Variants in CACNA1A observed in about 807,000 individuals in gnomAD.
CACNA1A encodes calcium voltage-gated channel subunit alpha1 A, also known as voltage-dependent P/Q-type calcium channel subunit alpha-1A.
CACNA1A carries 57 observed loss-of-function variants against 262.4 expected under a neutral mutation model. The ratio of observed to expected loss-of-function variants is 0.22; its 90% CI spans 0.18 to 0.27. The LOEUF is 0.27. Among genes scored for constraint, CACNA1A ranks in the 10% least tolerant of loss-of-function variants. The probability of loss-of-function intolerance (pLI) is 1.00; values close to 1 mark genes in which losing one functional copy is unlikely to be tolerated. For missense variants in CACNA1A, 2,526 were observed against 3,562.8 expected (o/e 0.71, Z 7.41); for synonymous variants, 1,431 against 1,419.3 (o/e 1.01, Z -0.18).
At chr19:13,435,847 T>TG in intron 3 of CACNA1A, among the ~76,000 whole-genome samples, 1 of 152,172 alleles carries the variant, frequency 6.6e-6, no homozygotes. Flanking sequence ...TGTTTTAAGA[T>TG]GGAGTCTCAC....
At chr19:13,428,838 T>A (rs2060449980) in intron 3 of CACNA1A, among the ~76,000 whole-genome samples, 1 of 152,018 alleles carries the variant, frequency 6.6e-6, no homozygotes, top group South Asian at 2.1e-4. Context: ...GCTTCTACCA[T>A]ATGTTCCCCC....
rs2060581799 is a variant in CACNA1A, at chr19:13,434,802, A to T, written c.539+18074T>A. Reference sequence around the variant, plus strand: ...TTTTTATTTATTTATTATTATTATTATTATTTTTACAAGGTCTCACTCTGT... The same window carrying T: ...TTTTTATTTATTTATTATTATTATTTTTATTTTTACAAGGTCTCACTCTGT... On this transcript the variant is annotated intron_variant, in intron 3 of 46. Transcript: ENST00000360228. Among the ~76,000 whole-genome samples, 9 of 151,788 alleles carry T rather than the reference A, an allele frequency of 5.9e-5. 1 individual carries two copies. In the South Asian group the frequency reaches 1.9e-3, roughly 32 times the overall value.
chr19:13,383,990 AT>A (rs987472326), intron 3 of CACNA1A, among the ~76,000 whole-genome samples: 1 of 151,730 alleles, frequency 6.6e-6, no homozygotes, highest in South Asian at 2.1e-4. Flanking sequence ...AATTTTTAAT[AT>A]TTTTTTTGTA....
chr19:13,490,307 T>G (rs962918499), intron 1 of CACNA1A, among the ~76,000 whole-genome samples: 1 of 152,066 alleles, frequency 6.6e-6, no homozygotes, highest in Non-Finnish European at 1.5e-5. Flanking sequence ...ACACCACCGA[T>G]AGAAACCTAG....
At chr19:13,376,880 CAT>C (rs1004359772) in intron 3 of CACNA1A, among the ~76,000 whole-genome samples, 30 of 138,666 alleles carry the variant, frequency 2.2e-4, no homozygotes, top group South Asian at 4.3e-4. Context: ...ATATATAACA[CAT>C]GATATATGTT....
At chr19:13,456,661 G>A (rs1046517702) in intron 1 of CACNA1A, among the ~76,000 whole-genome samples, 13 of 152,150 alleles carry the variant, frequency 8.5e-5, no homozygotes, top group Admixed American at 1.3e-4. Flanking sequence ...GCGACAGAGC[G>A]AGACTCTGTC....
At chr19:13,343,835 C>T (rs1405512173) in intron 6 of CACNA1A, among the ~76,000 whole-genome samples, 2 of 152,062 alleles carry the variant, frequency 1.3e-5, no homozygotes, top group Admixed American at 1.3e-4. Context: ...AGAAGCAGTG[C>T]TGAGGGAAGT....
At position 13,334,360 on chromosome 19, in the gene CACNA1A, A is replaced by G. The variant is rs1268420026; in HGVS notation, c.1198+18T>C. On this transcript the variant is annotated intron_variant, in intron 8 of 46. Coordinates refer to ENST00000360228, the MANE Select transcript of CACNA1A (RefSeq NM_001127222.2). ...CCTGGGATCTCCATCCCTGGGCCCCAGGATGAAAGGGCCTCACCTGCTTTT... is the reference window on the plus strand; with the variant it reads ...CCTGGGATCTCCATCCCTGGGCCCCGGGATGAAAGGGCCTCACCTGCTTTT... 3 of 1,290,214 alleles carry G rather than the reference A, an allele frequency of 2.3e-6. No homozygotes were observed. Among genetic ancestry groups the G allele is most frequent in the Non-Finnish European group, 3.4e-6 (3 of 883,708 alleles). 79.9% of individuals were successfully genotyped at this position (1,290,214 alleles called of 1,614,324 possible).
intron 10 of CACNA1A, among the ~76,000 whole-genome samples, chr19:13,320,275 A>AGAGAGAGAGAGAGAGAGAGAGAGAG (rs60301241): frequency 6.7e-6 from 1 of 150,262 alleles, no homozygotes; most frequent in South Asian, 2.1e-4. Flanking sequence ...AGAGAGAGAG[A>AGAGAGAGAGAGAGAGAGAGAGAGAG]AACCACAGCA....
chr19:13,222,777 C>G (rs1475241645), intron 38 of CACNA1A, among the ~76,000 whole-genome samples: 3 of 151,664 alleles, frequency 2.0e-5, no homozygotes, highest in African/African-American at 7.3e-5. Context: ...TCACTGCAAC[C>G]TCTGTCTCCC....
intron 18 of CACNA1A, among the ~76,000 whole-genome samples, 152 bp from the exon 19 acceptor site, chr19:13,299,505 C>T (rs369377976): frequency 1.2e-4 from 19 of 152,286 alleles, no homozygotes; most frequent in African/African-American, 4.3e-4. Flanking sequence ...GCATCTGAGT[C>T]AGGTCCCAGC....
chr19:13,253,134 G>T, intron 29 of CACNA1A, 33 bp from the exon 30 acceptor site: 1 of 1,402,364 alleles, frequency 7.1e-7, no homozygotes. Context: ...GCAGGGGTCA[G>T]CGAGCAGGGG....
At chr19:13,331,956 C>T (rs894402209) in intron 9 of CACNA1A, among the ~76,000 whole-genome samples, 2 of 152,202 alleles carry the variant, frequency 1.3e-5, no homozygotes, top group African/African-American at 4.8e-5. Flanking sequence ...CACAGACAGA[C>T]CGCATCCAAC....
chr19:13,208,508 T>C (rs1390130459), intron 46 of CACNA1A, among the ~76,000 whole-genome samples: 3 of 12,042 alleles, frequency 2.5e-4, no homozygotes, highest in Non-Finnish European at 1.7e-4. Context: ...AGCAAGCAGC[T>C]GCGGGCGGCG....
intron 29 of CACNA1A, 79 bp from the exon 30 acceptor site, chr19:13,253,180 G>T: frequency 2.3e-6 from 2 of 865,440 alleles, no homozygotes; most frequent in South Asian, 3.0e-5. Flanking sequence ...CTTCATGGCT[G>T]TTCTCCAGGC....
chr19:13,398,287 A>T (rs1422241522), intron 3 of CACNA1A, among the ~76,000 whole-genome samples: 1 of 151,798 alleles, frequency 6.6e-6, no homozygotes, highest in African/African-American at 2.4e-5. Context: ...AAAAGAATAC[A>T]CCTTTTGAAC....
intron 1 of CACNA1A, among the ~76,000 whole-genome samples, chr19:13,492,445 TGGAATTTGAAAGG>T (rs1981005495): frequency 6.6e-6 from 1 of 152,056 alleles, no homozygotes; most frequent in Non-Finnish European, 1.5e-5. Flanking sequence ...AAGGGGACCT[TGGAATTTGAAAGG>T]GCACAGACTT....
chr19:13,231,466 G>T (rs1325924055), intron 35 of CACNA1A, among the ~76,000 whole-genome samples: 1 of 152,108 alleles, frequency 6.6e-6, no homozygotes, highest in Non-Finnish European at 1.5e-5. Context: ...TCTGGTGGGG[G>T]GAGGACAGGG....
chr19:13,322,596 CTTT>C lies in CACNA1A; in HGVS notation c.1346-5278_1346-5276del, dbSNP rs57995542. Among the ~76,000 whole-genome samples the C allele has an allele frequency of 2.5e-4, 37 of 147,644 alleles. No individual in the cohort carries two copies. The East Asian group carries it at 6.8e-3, about 27-fold the overall frequency. The stretch of plus-strand genomic sequence containing the variant: ...CTTGCCAGCACTTGTTATGATTTGT[CTTT>C]TTTTTTTTTCTTGTAAGATGGAGTC... On this transcript the variant is annotated intron_variant, in intron 10 of 46. Coordinates refer to ENST00000360228, the MANE Select transcript of CACNA1A (RefSeq NM_001127222.2).
Sources: allele counts gnomAD v4.1 joint callset (sites outside exome capture counted in the v4.1 genomes callset), GRCh38; gene constraint gnomAD v4.1.1; transcripts MANE v1.5; gene names NCBI Gene and HGNC (gene_info 2026-07-23, HGNC 2026-07-21).